Variants in METAP2 observed in about 807,000 individuals in gnomAD.
METAP2 encodes methionyl aminopeptidase 2, also known as methionine aminopeptidase 2.
A neutral mutation model predicts 59.4 loss-of-function variants in METAP2; 25 were observed. The observed-to-expected ratio is 0.42, with a 90% CI of 0.31 to 0.59. The LOEUF is 0.59. METAP2 is among the 20% of genes least tolerant of loss of function. The pLI, the probability that METAP2 is intolerant of heterozygous loss-of-function variation, is 0.16. For missense variants in METAP2, 366 were observed against 581.2 expected (o/e 0.63, Z 3.81); for synonymous variants, 214 against 194.1 (o/e 1.10, Z -0.85).
chr12:95,479,646 T>A (rs1404378989), intron 2 of METAP2, among the ~76,000 whole-genome samples: 2 of 151,822 alleles, frequency 1.3e-5, no homozygotes, highest in Non-Finnish European at 2.9e-5. Context: ...AGTCTCACTC[T>A]TGTCCAGGCT....
intron 7 of METAP2, among the ~76,000 whole-genome samples, chr12:95,500,405 ATTGT>A (rs1399395874): frequency 6.6e-6 from 1 of 151,996 alleles, no homozygotes; most frequent in Non-Finnish European, 1.5e-5. Flanking sequence ...TTCTTGCCTG[ATTGT>A]TCTGACCTGT....
intron 2 of METAP2, chr12:95,482,070 T>C (rs1156508350): frequency 2.4e-6 from 1 of 408,208 alleles, no homozygotes; most frequent in Non-Finnish European, 5.0e-6. Flanking sequence ...CTTTTGAATC[T>C]AAAAATCCAT....
intron 7 of METAP2, among the ~76,000 whole-genome samples, chr12:95,503,862 C>T (rs1412069096): frequency 6.6e-6 from 1 of 152,170 alleles, no homozygotes; most frequent in Non-Finnish European, 1.5e-5. Flanking sequence ...TGTCAGTGCA[C>T]TTGTTGTCTA....
chr12:95,513,132 C>CACACA (rs1491107316), intron 10 of METAP2, among the ~76,000 whole-genome samples: 2 of 147,900 alleles, frequency 1.4e-5, no homozygotes, highest in South Asian at 2.1e-4. Flanking sequence ...CACACACACA[C>CACACA]AAGTGCTCTC....
At chr12:95,492,999 A>G (rs1281350189) in intron 4 of METAP2, among the ~76,000 whole-genome samples, 1 of 152,278 alleles carries the variant, frequency 6.6e-6, no homozygotes, top group Non-Finnish European at 1.5e-5. Context: ...GCAAATAGCA[A>G]TTCCTTGAAG....
At chr12:95,512,767 C>T in intron 9 of METAP2, 34 bp from the exon 10 acceptor site, 1 of 1,207,840 alleles carries the variant, frequency 8.3e-7, no homozygotes, top group Non-Finnish European at 1.2e-6. Flanking sequence ...AATTTTTCTT[C>T]TTTCTCTCCC....
rs1565771989 is a variant in METAP2 at position 95,474,327 on chromosome 12, G to T, written c.148G>T (p.Ala50Ser). Residue 50 changes from alanine (A) to serine (S), a missense_variant, in exon 1 of 11, where the codon GCA (alanine) becomes TCA (serine). Ala to Ser is a moderately conservative substitution (Grantham distance 99). This residue lies in a region of METAP2 where 177 missense variants were observed against 180.3 expected (regional missense o/e 0.98). Coordinates refer to ENST00000323666, the MANE Select transcript of METAP2 (RefSeq NM_006838.4). ...GAAGAAGAAGAGCAAAGGGCCTTCT[G>T]CAGGTAAAGAGAGTTTTATGTTTTC... is the stretch of plus-strand genomic sequence containing the variant. ...RKKKKSKGPS[A>S]AGEQEPDKES... 1.2e-6 allele frequency: 2 copies of T among 1,613,974 alleles called. No homozygotes were observed. Among genetic ancestry groups the T allele is most frequent in the Admixed American group, 3.3e-5 (2 of 59,948 alleles).
In METAP2 at chr12:95,512,815, T is replaced by C. The variant is rs764942287; in HGVS notation, c.1083T>C (p.Tyr361=). 3 of 1,600,348 alleles carry C rather than the reference T, an allele frequency of 1.9e-6. No homozygotes were observed. Among genetic ancestry groups the C allele is most frequent in the East Asian group, 2.2e-5 (1 of 44,712 alleles). ...TTATTTTTCAGGAAGGAGAAGTATA[T>C]GCAATTGAAACCTTTGGTAGTACAG... The part of the protein sequence containing the change: ...EATRMEEGEV[Y]AIETFGSTGK... Residue 361 remains tyrosine (Y), a synonymous_variant, in exon 10 of 11, where the codon TAT becomes TAC. Coordinates refer to ENST00000323666, the MANE Select transcript of METAP2 (RefSeq NM_006838.4).
chr12:95,506,128 T>C (rs1338476032), intron 8 of METAP2, among the ~76,000 whole-genome samples: 1 of 151,784 alleles, frequency 6.6e-6, no homozygotes, highest in Non-Finnish European at 1.5e-5. Context: ...CTTCCTCTGT[T>C]GTCCAGGCTG....
chr12:95,494,316 A>G, intron 5 of METAP2, 99 bp downstream of exon 5: 2 of 1,138,904 alleles, frequency 1.8e-6, no homozygotes, highest in Non-Finnish European at 2.5e-6. Context: ...ACTTTGCTAA[A>G]TCTTTAAGTA....
chr12:95,513,549 A>T, intron 10 of METAP2, 103 bp from the exon 11 acceptor site: 5 of 1,331,738 alleles, frequency 3.8e-6, no homozygotes, highest in Non-Finnish European at 5.1e-6. Context: ...AAGTTTTTGG[A>T]CTTCAACTAC....
chr12:95,484,587 T>G (rs1032323959), intron 3 of METAP2, among the ~76,000 whole-genome samples: 1 of 152,184 alleles, frequency 6.6e-6, no homozygotes, highest in African/African-American at 2.4e-5. Context: ...GAGGACTGTT[T>G]TATATTTGCC....
At chr12:95,483,698 G>A (rs1432111330) in intron 3 of METAP2, among the ~76,000 whole-genome samples, 1 of 152,138 alleles carries the variant, frequency 6.6e-6, no homozygotes, top group Non-Finnish European at 1.5e-5. Flanking sequence ...TGAATTGGTT[G>A]CATTTTACTG....
chr12:95,499,631 A>G (rs2076300975), intron 7 of METAP2, among the ~76,000 whole-genome samples: 1 of 151,744 alleles, frequency 6.6e-6, no homozygotes, highest in Non-Finnish European at 1.5e-5. Flanking sequence ...GAATGTGTAG[A>G]TGGCTTCAGA....
At chr12:95,511,839 C>A in intron 8 of METAP2, 56 bp from the exon 9 acceptor site, 1 of 1,220,322 alleles carries the variant, frequency 8.2e-7, no homozygotes, top group Non-Finnish European at 1.2e-6. Context: ...TGTAAGAGAT[C>A]TGTTTTTGCT....
chr12:95,476,244 C>T (rs2076117600), intron 2 of METAP2, 66 bp downstream of exon 2: 1 of 1,017,456 alleles, frequency 9.8e-7, no homozygotes, highest in Non-Finnish European at 1.5e-6. Flanking sequence ...TGGTGGCACA[C>T]ACCTGTAATC....
intron 2 of METAP2, among the ~76,000 whole-genome samples, chr12:95,479,990 A>G (rs1028009995): frequency 6.6e-6 from 1 of 152,208 alleles, no homozygotes; most frequent in Non-Finnish European, 1.5e-5. Context: ...ACGACGGAAG[A>G]TACAGACTAT....
At chr12:95,501,442 G>A (rs769249996) in intron 7 of METAP2, among the ~76,000 whole-genome samples, 4 of 152,296 alleles carry the variant, frequency 2.6e-5, no homozygotes, top group South Asian at 2.1e-4. Flanking sequence ...TTTTGGCCGC[G>A]CGCGGTGGCT....
At position 95,494,047 on chromosome 12, in the gene METAP2, A is replaced by G; in HGVS notation, c.429-9A>G. ...TTATCACTAATAGTATTCTATGCCC[A>G]CTCTAAAGGCGAACAGCTGCTTGGA... On this transcript the variant is annotated splice_polypyrimidine_tract_variant and intron_variant, in intron 4 of 10. Transcript: ENST00000323666. The G allele has an allele frequency of 1.2e-6, 2 of 1,612,290 alleles. No homozygotes were observed. The highest frequency in any genetic ancestry group is 1.1e-5 in the South Asian group (1 of 90,950).
Sources: allele counts gnomAD v4.1 joint callset (sites outside exome capture counted in the v4.1 genomes callset), GRCh38; gene constraint gnomAD v4.1.1; regional missense constraint gnomAD v4.1.1; transcripts MANE v1.5; gene names NCBI Gene and HGNC (gene_info 2026-07-23, HGNC 2026-07-21).